The following RPS6KA5 variants were observed in gnomAD, a reference collection of about 807,000 sequenced individuals.
RPS6KA5 encodes ribosomal protein S6 kinase A5.
Under a neutral mutation model 85.5 loss-of-function variants are expected in RPS6KA5, and 27 were observed. The observed-to-expected ratio is 0.32, with a 90% CI of 0.23 to 0.44. The LOEUF (loss-of-function observed/expected upper bound fraction) is 0.44, where lower values mean the gene tolerates loss of function less well. Ranked by LOEUF, RPS6KA5 falls within the 20% of genes least tolerant of loss-of-function variation. RPS6KA5 has a pLI of 1.00. For missense variants in RPS6KA5, 811 were observed against 980.9 expected (o/e 0.83, Z 2.31); for synonymous variants, 334 against 348.2 (o/e 0.96, Z 0.46).
chr14:90,899,582 C>T (rs1305020661), intron 11 of RPS6KA5, among the ~76,000 whole-genome samples, 160 bp from the exon 12 acceptor site: 2 of 152,054 alleles, frequency 1.3e-5, no homozygotes, highest in Non-Finnish European at 2.9e-5. Flanking sequence ...TTATACCACA[C>T]ACTAGAAAAA....
At chr14:90,893,942 T>C in intron 13 of RPS6KA5, 1 of 797,312 alleles carries the variant, frequency 1.3e-6, no homozygotes, top group Non-Finnish European at 1.5e-6. Flanking sequence ...AAAGACGGCA[T>C]AACTAATTAA....
intron 1 of RPS6KA5, among the ~76,000 whole-genome samples, chr14:91,036,142 A>C (rs1165576912): frequency 1.3e-5 from 2 of 152,136 alleles, no homozygotes; most frequent in African/African-American, 2.4e-5. Context: ...AAAGGAAAAG[A>C]ATTTATTGAC....
At chr14:90,934,519 T>C (rs926185230) in intron 5 of RPS6KA5, among the ~76,000 whole-genome samples, 2 of 152,200 alleles carry the variant, frequency 1.3e-5, no homozygotes, top group African/African-American at 2.4e-5. Context: ...CTGCTAAATA[T>C]AGTTATCAAG....
At chr14:91,004,525 A>C (rs769467413) in intron 1 of RPS6KA5, among the ~76,000 whole-genome samples, 1 of 152,210 alleles carries the variant, frequency 6.6e-6, no homozygotes, top group Non-Finnish European at 1.5e-5. Flanking sequence ...AATTAAAGAC[A>C]TCTGAGCACC....
intron 3 of RPS6KA5, among the ~76,000 whole-genome samples, chr14:90,965,334 A>G (rs1332646846): frequency 6.6e-6 from 1 of 152,190 alleles, no homozygotes; most frequent in Non-Finnish European, 1.5e-5. Context: ...AGATCGCACC[A>G]TGGCACTACA....
chr14:90,875,437 T>C, intron 14 of RPS6KA5, 77 bp from the exon 15 acceptor site: 2 of 1,312,036 alleles, frequency 1.5e-6, no homozygotes, highest in Non-Finnish European at 2.1e-6. Flanking sequence ...AATAGTAACG[T>C]AACTGGTGTA....
At position 90,848,397 on chromosome 14, in the gene RPS6KA5, A is replaced by G. The variant is rs576740255; in HGVS notation, c.*23677T>C. ...TATGAATTAATACTTGGAAGATTCT[A>G]GCCCAGCTAGAATAGATTTTAAAAA... On this transcript the variant is annotated 3_prime_UTR_variant, in exon 17 of 17. Transcript: ENST00000614987. The G allele has an allele frequency of 1.3e-5, 2 of 152,352 alleles. No homozygotes were observed. The highest frequency in any genetic ancestry group is 2.9e-5 in the Non-Finnish European group (2 of 68,028). 9.4% of individuals were successfully genotyped at this position (152,352 alleles called of 1,614,324 possible). A position where few individuals can be genotyped will look rare whatever the true frequency, so the allele number is the denominator to read the frequency against.
intron 14 of RPS6KA5, among the ~76,000 whole-genome samples, chr14:90,884,138 C>T (rs1196022632): frequency 2.0e-5 from 3 of 152,156 alleles, no homozygotes. Context: ...GCAATTATAG[C>T]AATTCAGATC....
At chr14:90,918,187 G>C (rs907788130) in intron 7 of RPS6KA5, among the ~76,000 whole-genome samples, 1 of 152,070 alleles carries the variant, frequency 6.6e-6, no homozygotes, top group Non-Finnish European at 1.5e-5. Flanking sequence ...GTCTTTATCA[G>C]CACTTGGTAT....
At chr14:90,988,836 T>G (rs1332153702) in intron 2 of RPS6KA5, among the ~76,000 whole-genome samples, 1 of 151,900 alleles carries the variant, frequency 6.6e-6, no homozygotes, top group Non-Finnish European at 1.5e-5. Context: ...AATAAATAAA[T>G]AACAAAGAAA....
At chr14:90,881,226 A>G (rs1291390075) in intron 14 of RPS6KA5, among the ~76,000 whole-genome samples, 1 of 151,316 alleles carries the variant, frequency 6.6e-6, no homozygotes, top group Non-Finnish European at 1.5e-5. Flanking sequence ...TAAGGCAGTC[A>G]GATTGCTTGA....
rs1278070495 is a variant in RPS6KA5 at position 90,867,870 on chromosome 14, G to C, written c.*4204C>G. ...AATTCATGAAACAGGGTGGACAACAGCCTTGTGTAGGGGAAGCATTTGGAA... is the reference window on the plus strand; with the variant it reads ...AATTCATGAAACAGGGTGGACAACACCCTTGTGTAGGGGAAGCATTTGGAA... On this transcript the variant is annotated 3_prime_UTR_variant, in exon 17 of 17. Transcript: ENST00000614987. 6.6e-6 allele frequency: 1 copy of C among 152,204 alleles called. No homozygotes were observed. The highest frequency in any genetic ancestry group is 1.5e-5 in the Non-Finnish European group (1 of 68,022). The allele number at this position is 152,204 out of a possible 1,614,324, so 9.4% of individuals were successfully genotyped here.
chr14:91,039,612 C>T (rs545102868), intron 1 of RPS6KA5, among the ~76,000 whole-genome samples: 36 of 152,286 alleles, frequency 2.4e-4, no homozygotes, highest in South Asian at 1.0e-3. Context: ...GAGCCAGTTC[C>T]CACCAGAGAA....
At chr14:90,938,162 C>A (rs1272098390) in intron 5 of RPS6KA5, among the ~76,000 whole-genome samples, 1 of 152,190 alleles carries the variant, frequency 6.6e-6, no homozygotes, top group Admixed American at 6.5e-5. Flanking sequence ...ACTACAGGTC[C>A]CATGCAAGTC....
intron 1 of RPS6KA5, among the ~76,000 whole-genome samples, chr14:91,004,792 C>T (rs530797686): frequency 6.6e-6 from 1 of 151,800 alleles, no homozygotes; most frequent in Non-Finnish European, 1.5e-5. Context: ...ACAGTGAAAC[C>T]CCGTCTCTAC....
chr14:90,920,050 T>A (rs2036324055), intron 7 of RPS6KA5, among the ~76,000 whole-genome samples, 156 bp downstream of exon 7: 1 of 152,222 alleles, frequency 6.6e-6, no homozygotes, highest in Non-Finnish European at 1.5e-5. Flanking sequence ...AGGTAACATA[T>A]CTATATGCCA....
intron 2 of RPS6KA5, among the ~76,000 whole-genome samples, chr14:90,987,976 T>C (rs2040130811): frequency 6.6e-6 from 1 of 152,194 alleles, no homozygotes; most frequent in South Asian, 2.1e-4. Context: ...AACATATACA[T>C]ACTTAATACT....
In RPS6KA5 at chr14:90,875,242, G is replaced by C. The variant is rs2033378946; in HGVS notation, c.1955C>G (p.Ala652Gly). The change falls in exon 15 of 17, where the codon GCC (alanine) becomes GGC (glycine). Residue 652 changes from alanine to glycine, a missense_variant. Coordinates refer to ENST00000614987, the MANE Select transcript of RPS6KA5 (RefSeq NM_004755.4). ...AGCCTCTTGGGATACATTCTTCCAG[G>C]CTTCTCCTTCAAAGGAGAAATCTCC... is the stretch of plus-strand genomic sequence containing the variant. ...KKGDFSFEGE[A>G]WKNVSQEAKD... 1 of 1,613,624 alleles carries C rather than the reference G, an allele frequency of 6.2e-7. No individual in the cohort carries two copies. The highest frequency in any genetic ancestry group is 1.7e-5 in the Admixed American group (1 of 59,970).
chr14:90,958,738 C>A (rs1258632214), intron 3 of RPS6KA5, among the ~76,000 whole-genome samples: 1 of 152,024 alleles, frequency 6.6e-6, no homozygotes, highest in Non-Finnish European at 1.5e-5. Flanking sequence ...AAATCTCCAA[C>A]CTAGTGAAGC....
Sources: allele counts gnomAD v4.1 joint callset (sites outside exome capture counted in the v4.1 genomes callset), GRCh38; gene constraint gnomAD v4.1.1; transcripts MANE v1.5; gene names NCBI Gene and HGNC (gene_info 2026-07-23, HGNC 2026-07-21).